FAM220A: variants seen among roughly 807,000 people sequenced by gnomAD.
FAM220A encodes the protein family with sequence similarity 220 member A.
For missense variants in FAM220A, 392 were observed against 321.6 expected, an observed-to-expected ratio of 1.22 and a Z score of -1.68; for synonymous variants, 141 against 130.7, an observed-to-expected ratio of 1.08 and a Z score of -0.54.
intron 1 of FAM220A, among the ~76,000 whole-genome samples, chr7:6,343,619 A>T (rs984455310): frequency 4.0e-5 from 6 of 151,694 alleles, no homozygotes; most frequent in Non-Finnish European, 5.9e-5. Context: ...ATTCTGTATA[A>T]ATAAGAAGGA....
chr7:6,331,695 C>T (rs1320992589), intron 1 of FAM220A, among the ~76,000 whole-genome samples: 3 of 149,794 alleles, frequency 2.0e-5, no homozygotes, highest in South Asian at 2.1e-4. Flanking sequence ...GAGAACATTT[C>T]GTGGGCTTAG....
intron 1 of FAM220A, among the ~76,000 whole-genome samples, chr7:6,335,568 T>C (rs1051074566): frequency 1.3e-5 from 2 of 152,256 alleles, no homozygotes; most frequent in East Asian, 1.9e-4. Flanking sequence ...TGTCTTGGTT[T>C]AGTTCATTCT....
At chr7:6,331,424 A>T (rs959058153) in intron 1 of FAM220A, among the ~76,000 whole-genome samples, 189 bp from the exon 2 acceptor site, 1 of 152,302 alleles carries the variant, frequency 6.6e-6, no homozygotes, top group African/African-American at 2.4e-5. Context: ...CAGCGTCCCA[A>T]AGTGCTGGGA....
At position 6,330,937 on chromosome 7, in the gene FAM220A, C is replaced by T. The variant is rs776836047; in HGVS notation, c.218G>A (p.Gly73Asp). Residue 73 changes from glycine to aspartate, a missense_variant, in exon 2 of 2, where the codon GGC becomes GAC. Physicochemically the swap from Gly to Asp is moderately conservative, Grantham distance 94. Coordinates refer to ENST00000313324, the MANE Select transcript of FAM220A (RefSeq NM_001037163.2). ...LEMRKDPSGA[G>D]LWLHSGGPVL... Reference sequence around the variant, plus strand: ...TGGGCCGCCACTGTGAAGCCAGAGGCCAGCCCCGCTCGGATCCTTTCTCAT... The same window carrying T: ...TGGGCCGCCACTGTGAAGCCAGAGGTCAGCCCCGCTCGGATCCTTTCTCAT... 3.1e-6 allele frequency: 5 copies of T among 1,614,090 alleles called. No individual in the cohort carries two copies. The South Asian group carries it at 5.5e-5, about 18-fold the overall frequency.
intron 1 of FAM220A, among the ~76,000 whole-genome samples, chr7:6,336,476 T>C (rs1480580266): frequency 6.6e-6 from 1 of 151,540 alleles, no homozygotes; most frequent in Non-Finnish European, 1.5e-5. Flanking sequence ...AGGTCAGGAG[T>C]TTGAGACCAG....
At position 6,330,411 on chromosome 7, in the gene FAM220A, T is replaced by C. The variant is rs370901935; in HGVS notation, c.744A>G (p.Gln248=). 6.2e-6 allele frequency: 10 copies of C among 1,613,860 alleles called. No homozygotes were observed. The highest frequency in any genetic ancestry group is 1.6e-4 in the Middle Eastern group (1 of 6,080). The part of the protein sequence containing the change: ...LQITLGLLAL[Q]PFELANTLCH... Reference sequence around the variant, plus strand: ...ATAATGTATTTGCTAATTCAAAAGGTTGCAGAGCCAGTAACCCCAGTGTTA... The same window carrying C: ...ATAATGTATTTGCTAATTCAAAAGGCTGCAGAGCCAGTAACCCCAGTGTTA... The change falls in exon 2 of 2, where the codon CAA becomes CAG. Residue 248 remains glutamine, a synonymous_variant. Coordinates refer to ENST00000313324, the MANE Select transcript of FAM220A (RefSeq NM_001037163.2).
chr7:6,345,636 G>A (rs1240032035), intron 1 of FAM220A, among the ~76,000 whole-genome samples: 1 of 152,132 alleles, frequency 6.6e-6, no homozygotes, highest in Non-Finnish European at 1.5e-5. Context: ...CCATTCTTGT[G>A]ATTTTTACAA....
At chr7:6,348,014 G>A (rs948534910) in intron 1 of FAM220A, among the ~76,000 whole-genome samples, 1 of 151,302 alleles carries the variant, frequency 6.6e-6, no homozygotes, top group African/African-American at 2.4e-5. Flanking sequence ...AGGTTCCAGC[G>A]ATTCTGCCGC....
intron 1 of FAM220A, among the ~76,000 whole-genome samples, chr7:6,338,858 GGGA>G (rs1781796059): frequency 6.6e-6 from 1 of 152,202 alleles, no homozygotes; most frequent in Non-Finnish European, 1.5e-5. Context: ...AGTCCCAAAG[GGGA>G]GAAGACACAG....
intron 1 of FAM220A, among the ~76,000 whole-genome samples, chr7:6,335,037 G>A (rs1350551766): frequency 6.6e-6 from 1 of 151,964 alleles, no homozygotes; most frequent in Non-Finnish European, 1.5e-5. Context: ...AAAGTGGTGG[G>A]ATTACAGGTG....
At chr7:6,342,996 C>T (rs551101060) in intron 1 of FAM220A, among the ~76,000 whole-genome samples, 1 of 150,456 alleles carries the variant, frequency 6.6e-6, no homozygotes, top group Non-Finnish European at 1.5e-5. Flanking sequence ...ATGATCGCAC[C>T]ACTGCACTCC....
chr7:6,334,047 C>T (rs1002226838), intron 1 of FAM220A, among the ~76,000 whole-genome samples: 9 of 150,964 alleles, frequency 6.0e-5, no homozygotes, highest in Non-Finnish European at 1.2e-4. Context: ...GGGGTTTCAC[C>T]ATGTTAGCCA....
At chr7:6,345,334 G>A (rs1286578384) in intron 1 of FAM220A, among the ~76,000 whole-genome samples, 3 of 151,548 alleles carry the variant, frequency 2.0e-5, no homozygotes, top group Admixed American at 2.0e-4. Context: ...AGGCTGGTCT[G>A]GAACTCCTGG....
At chr7:6,332,786 G>T (rs948950357) in intron 1 of FAM220A, among the ~76,000 whole-genome samples, 6 of 152,162 alleles carry the variant, frequency 3.9e-5, no homozygotes, top group Non-Finnish European at 8.8e-5. Flanking sequence ...AGAAATGGCA[G>T]GTAGGAAACT....
chr7:6,337,073 CT>C (rs1223883811), intron 1 of FAM220A, among the ~76,000 whole-genome samples: 1,609 of 144,414 alleles, frequency 0.011, 13 homozygotes, highest in Admixed American at 0.022. Flanking sequence ...TATTTTAATT[CT>C]TTTTTTTTTT....
intron 1 of FAM220A, among the ~76,000 whole-genome samples, chr7:6,346,311 C>T (rs374067847): frequency 6.6e-6 from 1 of 152,064 alleles, no homozygotes; most frequent in East Asian, 1.9e-4. Flanking sequence ...TGCTACAAGC[C>T]CTTGATCACA....
intron 1 of FAM220A, among the ~76,000 whole-genome samples, chr7:6,346,711 C>T (rs1222334637): frequency 2.6e-5 from 4 of 152,064 alleles, no homozygotes; most frequent in East Asian, 1.9e-4. Context: ...GATCAACAGC[C>T]GGTGTTAGGT....
Position 6,329,678 on chromosome 7 carries a change from A to C in FAM220A, c.*697T>G, listed in dbSNP as rs1781589012. 6.1e-6 allele frequency: 1 copy of C among 165,166 alleles called. No homozygotes were observed. Among genetic ancestry groups the C allele is most frequent in the Non-Finnish European group, 1.5e-5 (1 of 68,144 alleles). 10.2% of individuals were successfully genotyped at this position (165,166 alleles called of 1,614,324 possible). Reference sequence around the variant, plus strand: ...ATACTGCAATTCTTAGAATCTGGGAAACTTTTTATGTGGGAAATAACTCGA... The same window carrying C: ...ATACTGCAATTCTTAGAATCTGGGACACTTTTTATGTGGGAAATAACTCGA... On this transcript the variant is annotated 3_prime_UTR_variant, in exon 2 of 2. Coordinates refer to ENST00000313324, the MANE Select transcript of FAM220A (RefSeq NM_001037163.2).
intron 1 of FAM220A, among the ~76,000 whole-genome samples, chr7:6,336,381 A>AC (rs1361023920): frequency 9.3e-5 from 14 of 150,958 alleles, no homozygotes; most frequent in South Asian, 2.1e-4. Context: ...ATATATATGA[A>AC]CCACATAAAA....
Sources: allele counts gnomAD v4.1 joint callset (sites outside exome capture counted in the v4.1 genomes callset), GRCh38; gene constraint gnomAD v4.1.1; transcripts MANE v1.5; gene names NCBI Gene and HGNC (gene_info 2026-07-23, HGNC 2026-07-21).